The following PALM2AKAP2 variants were observed in gnomAD, a reference collection of about 807,000 sequenced individuals.
PALM2AKAP2 encodes the protein PALM2-AKAP2 fusion protein.
In PALM2AKAP2, 37 loss-of-function variants were observed where a neutral mutation model predicts 71.5. The ratio of observed to expected loss-of-function variants is 0.52; its 90% confidence interval spans 0.40 to 0.68. The LOEUF is 0.68. Ranked by LOEUF, PALM2AKAP2 falls within the 30% of genes least tolerant of loss-of-function variation. PALM2AKAP2 has a pLI of 0.00. For synonymous variants in PALM2AKAP2, 468 were observed against 478.8 expected, an observed-to-expected ratio of 0.98 and a Z score of 0.29; for missense variants, 1,224 against 1,191.8, an observed-to-expected ratio of 1.03 and a Z score of -0.40.
At chr9:109,662,352 G>T (rs2132243638) in intron 1 of PALM2AKAP2, among the ~76,000 whole-genome samples, 1 of 152,232 alleles carries the variant, frequency 6.6e-6, no homozygotes, top group African/African-American at 2.4e-5. Context: ...TCAGTACCTT[G>T]TTTTTTGAGA....
chr9:109,949,701 T>C (rs1254294969), intron 6 of PALM2AKAP2, among the ~76,000 whole-genome samples: 3 of 152,302 alleles, frequency 2.0e-5, no homozygotes, highest in African/African-American at 7.2e-5. Flanking sequence ...GGTTGGAAGA[T>C]TGAGCTTTCT....
At chr9:109,885,644 T>G (rs1451189342) in intron 3 of PALM2AKAP2, among the ~76,000 whole-genome samples, 1 of 152,210 alleles carries the variant, frequency 6.6e-6, no homozygotes, top group African/African-American at 2.4e-5. Context: ...ACCCAACCCT[T>G]GATTCAGACT....
rs1041009158 is a variant in PALM2AKAP2, at chr9:110,057,986, G to A, written c.156+9131G>A. Among the ~76,000 whole-genome samples, 14 of 152,100 alleles carry A rather than the reference G, an allele frequency of 9.2e-5. No individual in the cohort carries two copies. In the East Asian group the frequency reaches 2.7e-3, roughly 29 times the overall value. ...TGGTCTATCTCAGTGAGGGAGGAAG[G>A]GTGCTACTAGAATCTGATGGGTAGA... is the stretch of plus-strand genomic sequence containing the variant. On this transcript the variant is annotated intron_variant, in intron 1 of 3. Coordinates refer to ENST00000374525, the Ensembl canonical transcript of PALM2AKAP2.
rs191049804 is a variant in PALM2AKAP2 at position 110,070,151 on chromosome 9, C to T, written c.156+21296C>T. ...AAAACCCATAGTGGAAACACTTTCA[C>T]CTACTCTCATACATTCATCTTCCCC... is the stretch of plus-strand genomic sequence containing the variant. On this transcript the variant is annotated intron_variant, in intron 1 of 3. Transcript: ENST00000374525. 3.5e-3 allele frequency among the ~76,000 whole-genome samples: 539 copies of T among 152,334 alleles called. 1 individual carries two copies. The highest frequency in any genetic ancestry group is 6.6e-3 in the Non-Finnish European group (446 of 68,034).
chr9:110,149,757 G>C (rs1836265954), intron 2 of PALM2AKAP2, among the ~76,000 whole-genome samples: 1 of 152,144 alleles, frequency 6.6e-6, no homozygotes, highest in African/African-American at 2.4e-5. Flanking sequence ...TTCAAGCCCT[G>C]GGCAACATAG....
At chr9:109,741,997 C>T (rs1032517792) in intron 1 of PALM2AKAP2, among the ~76,000 whole-genome samples, 3 of 152,088 alleles carry the variant, frequency 2.0e-5, no homozygotes, top group Non-Finnish European at 4.4e-5. Flanking sequence ...ATGTTTATTG[C>T]ACTTTTAATA....
chr9:109,888,241 G>A (rs74631891), intron 3 of PALM2AKAP2, among the ~76,000 whole-genome samples: 4,203 of 152,270 alleles, frequency 0.028, 94 homozygotes, highest in Non-Finnish European at 0.036. Context: ...CTTGGCTGGA[G>A]TCCTAGTTCT....
At chr9:109,746,930 G>A (rs188392190) in intron 1 of PALM2AKAP2, among the ~76,000 whole-genome samples, 5 of 152,262 alleles carry the variant, frequency 3.3e-5, no homozygotes, top group East Asian at 1.9e-4. Flanking sequence ...AGGGCAGTGC[G>A]TGTGGCAGAG....
At chr9:109,707,379 C>G (rs915132361) in intron 1 of PALM2AKAP2, among the ~76,000 whole-genome samples, 1 of 152,088 alleles carries the variant, frequency 6.6e-6, no homozygotes, top group African/African-American at 2.4e-5. Context: ...CCCACCCTGC[C>G]CCAGCTTTGA....
At chr9:109,850,501 C>T (rs1828980646) in intron 1 of PALM2AKAP2, among the ~76,000 whole-genome samples, 1 of 151,846 alleles carries the variant, frequency 6.6e-6, no homozygotes, top group Admixed American at 6.6e-5. Flanking sequence ...GTAGTGTAAT[C>T]CTAAGAGAAG....
chr9:109,692,063 A>G (rs1442852953), intron 1 of PALM2AKAP2, among the ~76,000 whole-genome samples: 1 of 149,260 alleles, frequency 6.7e-6, no homozygotes, highest in Non-Finnish European at 1.5e-5. Flanking sequence ...CTAAGTATTT[A>G]AATTTTTTTA....
intron 1 of PALM2AKAP2, among the ~76,000 whole-genome samples, chr9:110,126,257 A>G (rs1433130123): frequency 6.6e-6 from 1 of 152,026 alleles, no homozygotes; most frequent in Non-Finnish European, 1.5e-5. Context: ...CTGCCTCAAT[A>G]TAGTGGATTC....
chr9:109,722,128 C>T (rs923853816), intron 1 of PALM2AKAP2, among the ~76,000 whole-genome samples: 5 of 152,186 alleles, frequency 3.3e-5, no homozygotes, highest in Non-Finnish European at 7.3e-5. Flanking sequence ...AGTGATTTAA[C>T]TGTCCATTTA....
chr9:109,691,866 A>ATATATATATATG (rs1282684285), intron 1 of PALM2AKAP2, among the ~76,000 whole-genome samples: 2 of 39,368 alleles, frequency 5.1e-5, no homozygotes, highest in African/African-American at 1.9e-4. Flanking sequence ...ATATATATAT[A>ATATATATATATG]TACACACACA....
intron 1 of PALM2AKAP2, among the ~76,000 whole-genome samples, chr9:109,832,895 G>A (rs12376780): frequency 0.14 from 20,855 of 152,166 alleles, 1,904 homozygotes; most frequent in East Asian, 0.34. Flanking sequence ...GCACTAACTC[G>A]TGTGCCAATG....
intron 1 of PALM2AKAP2, among the ~76,000 whole-genome samples, chr9:109,811,432 G>T (rs192885259): frequency 3.3e-5 from 5 of 152,222 alleles, no homozygotes; most frequent in Admixed American, 6.5e-5. Context: ...TAACAAACTG[G>T]ACTCCTTATT....
intron 6 of PALM2AKAP2, among the ~76,000 whole-genome samples, chr9:109,994,488 T>G (rs1832538120): frequency 1.3e-5 from 2 of 152,168 alleles, no homozygotes; most frequent in Non-Finnish European, 2.9e-5. Flanking sequence ...ATATGAAAAC[T>G]ACATAACTAA....
At chr9:110,109,241 C>T (rs1025155348) in intron 1 of PALM2AKAP2, among the ~76,000 whole-genome samples, 27 of 140,652 alleles carry the variant, frequency 1.9e-4, no homozygotes, top group Admixed American at 3.0e-4. Flanking sequence ...TGCTTGAACC[C>T]GGGAAGTGGA....
intron 1 of PALM2AKAP2, among the ~76,000 whole-genome samples, chr9:109,721,698 C>A (rs920812461): frequency 2.0e-5 from 3 of 152,182 alleles, no homozygotes; most frequent in African/African-American, 7.2e-5. Context: ...TGAAGCCCCC[C>A]ACACCCGCTT....
Sources: allele counts gnomAD v4.1 joint callset (sites outside exome capture counted in the v4.1 genomes callset), GRCh38; gene constraint gnomAD v4.1.1; transcripts MANE v1.5; gene names NCBI Gene and HGNC (gene_info 2026-07-23, HGNC 2026-07-21).